Variants in CHRM2 observed in about 807,000 individuals in gnomAD.
CHRM2 encodes the protein cholinergic receptor muscarinic 2.
Under a neutral mutation model 25.0 loss-of-function variants are expected in CHRM2, and 8 were observed. That is an observed-to-expected ratio of 0.32 (90% CI 0.19 to 0.58). The LOEUF (loss-of-function observed/expected upper bound fraction) is 0.58. Among genes scored for constraint, CHRM2 ranks in the 20% least tolerant of loss-of-function variants. The probability of loss-of-function intolerance (pLI) is 0.88; values close to 1 mark genes in which losing one functional copy is unlikely to be tolerated. For missense variants in CHRM2, 440 were observed against 567.1 expected (o/e 0.78, Z 2.28); for synonymous variants, 202 against 205.7 (o/e 0.98, Z 0.15).
intron 2 of CHRM2, among the ~76,000 whole-genome samples, chr7:136,939,391 C>A (rs1030497206): frequency 6.6e-6 from 1 of 152,170 alleles, no homozygotes; most frequent in African/African-American, 2.4e-5. Flanking sequence ...TCTAATGCCC[C>A]TTTTGGGATT....
chr7:136,920,524 A>G (rs895633087), intron 2 of CHRM2, among the ~76,000 whole-genome samples: 1 of 152,118 alleles, frequency 6.6e-6, no homozygotes, highest in African/African-American at 2.4e-5. Flanking sequence ...ACTGCAGCTT[A>G]GAACATCTCT....
intron 2 of CHRM2, chr7:136,871,388 C>T (rs1795832757): frequency 6.6e-6 from 1 of 152,620 alleles, no homozygotes. Context: ...GGCAGCTTTT[C>T]TCCATGCTGC....
chr7:136,913,958 A>G lies in CHRM2; in HGVS notation c.-125+44540A>G, dbSNP rs1032758467. Among the ~76,000 whole-genome samples, 9 of 151,940 alleles carry G rather than the reference A, an allele frequency of 5.9e-5. No individual in the cohort carries two copies. The South Asian group carries it at 6.2e-4, about 10-fold the overall frequency. The stretch of plus-strand genomic sequence containing the variant: ...TTGTGCCAAGAACAGTGCCTTACCC[A>G]TTTGGTTATTTATTAAGTGTCAGTT... On this transcript the variant is annotated intron_variant, in intron 2 of 3. Transcript: ENST00000680005.
At chr7:136,916,847 TC>T (rs1563064421) in intron 2 of CHRM2, among the ~76,000 whole-genome samples, 1 of 151,742 alleles carries the variant, frequency 6.6e-6, no homozygotes, top group Non-Finnish European at 1.5e-5. Flanking sequence ...TCTCTCTCTC[TC>T]TCTCTCTGTC....
intron 2 of CHRM2, among the ~76,000 whole-genome samples, chr7:136,880,198 C>T (rs1796211130): frequency 6.6e-6 from 1 of 151,720 alleles, no homozygotes; most frequent in Non-Finnish European, 1.5e-5. Context: ...CAATTATTGG[C>T]AGCCTTGCTC....
At chr7:136,870,794 C>T (rs1584674400) in intron 2 of CHRM2, 1 of 152,306 alleles carries the variant, frequency 6.6e-6, no homozygotes, top group African/African-American at 2.4e-5. Context: ...GTGACTGCGG[C>T]CACCCAGGGC....
At chr7:136,996,690 T>G (rs1399025049) in intron 3 of CHRM2, among the ~76,000 whole-genome samples, 1 of 152,178 alleles carries the variant, frequency 6.6e-6, no homozygotes, top group South Asian at 2.1e-4. Flanking sequence ...GAGAATTATT[T>G]AATGAAATTA....
chr7:136,888,810 G>C (rs1796573441), intron 2 of CHRM2, among the ~76,000 whole-genome samples: 1 of 152,004 alleles, frequency 6.6e-6, no homozygotes, highest in African/African-American at 2.4e-5. Flanking sequence ...ACTTTGGGAG[G>C]CCAAGGCAGG....
chr7:136,937,136 T>C (rs917921537), intron 2 of CHRM2, among the ~76,000 whole-genome samples: 14 of 152,132 alleles, frequency 9.2e-5, no homozygotes, highest in African/African-American at 3.4e-4. Flanking sequence ...AATAGGTAGT[T>C]TTCAATAATT....
chr7:136,969,787 A>G (rs1242826035), intron 2 of CHRM2, among the ~76,000 whole-genome samples: 2 of 152,194 alleles, frequency 1.3e-5, no homozygotes, highest in African/African-American at 4.8e-5. Flanking sequence ...TTTTAACATT[A>G]TTGTTTCAAA....
intron 3 of CHRM2, among the ~76,000 whole-genome samples, chr7:136,996,465 T>C (rs1803611099): frequency 6.6e-6 from 1 of 152,152 alleles, no homozygotes; most frequent in African/African-American, 2.4e-5. Context: ...CTTATTTTTG[T>C]TACTAGCTAT....
At chr7:136,975,864 A>G (rs1285584604) in intron 2 of CHRM2, among the ~76,000 whole-genome samples, 1 of 152,154 alleles carries the variant, frequency 6.6e-6, no homozygotes, top group East Asian at 1.9e-4. Flanking sequence ...CTGTGGCTAC[A>G]CCAGGATAAT....
rs185859136 is a variant in CHRM2 at position 136,869,621 on chromosome 7, G to A, written c.-125+203G>A. Among the ~76,000 whole-genome samples, 15 of 152,298 alleles carry A rather than the reference G, an allele frequency of 9.8e-5. No individual in the cohort carries two copies. In the East Asian group the frequency reaches 2.9e-3, roughly 30 times the overall value. ...GGAGGGTTGCGAGCAGTGATGGCGG[G>A]TCTGAAAGGAAGGGGCAAACGAGGC... On this transcript the variant is annotated intron_variant, in intron 2 of 3. Coordinates refer to ENST00000680005, the MANE Select transcript of CHRM2 (RefSeq NM_001006630.2). This position sits in a 1 kb window ranked among gnomAD's most constrained non-coding sequence, Gnocchi z 4.9.
At chr7:136,932,352 T>C (rs917769015) in intron 2 of CHRM2, among the ~76,000 whole-genome samples, 3 of 152,232 alleles carry the variant, frequency 2.0e-5, no homozygotes, top group Admixed American at 1.3e-4. Context: ...ATGGCTTCAC[T>C]GGTGAATTCT....
intron 2 of CHRM2, among the ~76,000 whole-genome samples, chr7:136,906,397 A>G (rs904217003): frequency 6.0e-5 from 9 of 151,228 alleles, no homozygotes; most frequent in Non-Finnish European, 1.2e-4. Context: ...TATGTATTAT[A>G]CATATGTAAT....
intron 2 of CHRM2, among the ~76,000 whole-genome samples, chr7:136,915,542 A>AATTT (rs1798058291): frequency 1.3e-4 from 20 of 151,976 alleles, no homozygotes; most frequent in Admixed American, 1.2e-3. Context: ...AAGTATTGGA[A>AATTT]CATGTTCTAG....
At chr7:136,949,914 T>C (rs1226734455) in intron 2 of CHRM2, among the ~76,000 whole-genome samples, 1 of 152,098 alleles carries the variant, frequency 6.6e-6, no homozygotes, top group Non-Finnish European at 1.5e-5. Context: ...AAATTATAAC[T>C]ATTCACCTTC....
rs774236034 is a variant in CHRM2 at position 137,015,804 on chromosome 7, C to T, written c.939C>T (p.Gly313=). The change falls in exon 4 of 4, where the codon GGC becomes GGT. Residue 313 remains glycine, a synonymous_variant. Coordinates refer to ENST00000680005, the MANE Select transcript of CHRM2 (RefSeq NM_001006630.2). This position sits in a 1 kb window ranked among gnomAD's most constrained non-coding sequence, Gnocchi z 5.1. ...QDENTVSTSL[G]HSKDENSKQT... ...AAAACACAGTTTCCACTTCCCTGGG[C>T]CATTCCAAAGATGAGAACTCTAAGC... The T allele has an allele frequency of 1.2e-6, 2 of 1,613,106 alleles. No individual in the cohort carries two copies. Among genetic ancestry groups the T allele is most frequent in the Admixed American group, 3.3e-5 (2 of 59,922 alleles).
At position 137,015,277 on chromosome 7, in the gene CHRM2, A is replaced by G; in HGVS notation, c.412A>G (p.Lys138Glu). The G allele has an allele frequency of 4.3e-6, 7 of 1,613,368 alleles. No individual in the cohort carries two copies. Among genetic ancestry groups the G allele is most frequent in the Non-Finnish European group, 5.9e-6 (7 of 1,179,640 alleles). Residue 138 changes from lysine (K) to glutamate (E), a missense_variant, in exon 4 of 4, where the codon AAA becomes GAA. Coordinates refer to ENST00000680005, the MANE Select transcript of CHRM2 (RefSeq NM_001006630.2). This position sits in a 1 kb window ranked among gnomAD's most constrained non-coding sequence, Gnocchi z 5.1. ...PLTYPVKRTT[K>E]MAGMMIAAAW... ...GACCTACCCAGTCAAGCGGACCACA[A>G]AAATGGCAGGTATGATGATTGCAGC...
Sources: gnomAD v4.1 joint callset for allele counts (sites outside exome capture counted in the v4.1 genomes callset) on GRCh38, gnomAD v4.1.1 for gene constraint, Gnocchi (gnomAD v3.1) non-coding constraint, MANE v1.5 for transcripts, NCBI Gene and HGNC (gene_info 2026-07-23, HGNC 2026-07-21) for gene names.